BICC1: variants seen among roughly 807,000 people sequenced by gnomAD.
BICC1 encodes protein bicaudal C homolog 1.
In BICC1, 43 loss-of-function variants were observed where a neutral mutation model predicts 111.0. That is an observed-to-expected ratio of 0.39 (90% CI 0.30 to 0.50). The LOEUF is 0.50. Among genes scored for constraint, BICC1 ranks in the 20% least tolerant of loss-of-function variants. The pLI is 0.88. For missense variants in BICC1, 1,091 were observed against 1,203.2 expected, an observed-to-expected ratio of 0.91 and a Z score of 1.38; for synonymous variants, 467 against 434.4, an observed-to-expected ratio of 1.07 and a Z score of -0.93.
chr10:58,786,625 G>C (rs1473350691), intron 4 of BICC1, among the ~76,000 whole-genome samples: 1 of 152,170 alleles, frequency 6.6e-6, no homozygotes, highest in Non-Finnish European at 1.5e-5. Context: ...GACAAATTGA[G>C]TAATTTATTT....
chr10:58,663,199 T>C (rs1282385968), intron 2 of BICC1, among the ~76,000 whole-genome samples: 3 of 151,828 alleles, frequency 2.0e-5, no homozygotes, highest in Non-Finnish European at 4.4e-5. Flanking sequence ...CCTGAGTAGC[T>C]GGGACTTCAT....
intron 3 of BICC1, among the ~76,000 whole-genome samples, chr10:58,739,092 A>C (rs1352206445): frequency 1.3e-5 from 2 of 152,080 alleles, no homozygotes; most frequent in Non-Finnish European, 2.9e-5. Context: ...CTCTTGCCTA[A>C]TTGCCCTGGC....
chr10:58,638,689 G>A (rs985536545), intron 2 of BICC1, among the ~76,000 whole-genome samples: 1 of 152,106 alleles, frequency 6.6e-6, no homozygotes, highest in African/African-American at 2.4e-5. Context: ...GTACCAATAA[G>A]AGCCACCGCT....
chr10:58,814,499 G>A (rs1386559920), intron 18 of BICC1, among the ~76,000 whole-genome samples: 1 of 152,004 alleles, frequency 6.6e-6, no homozygotes, highest in African/African-American at 2.4e-5. Context: ...AAGTGGTTGA[G>A]GCCAGGCATG....
At chr10:58,750,272 G>T (rs886572026) in intron 3 of BICC1, among the ~76,000 whole-genome samples, 1 of 152,100 alleles carries the variant, frequency 6.6e-6, no homozygotes, top group Non-Finnish European at 1.5e-5. Context: ...CCAGTTGAAA[G>T]TTTTATACTC....
At chr10:58,806,685 G>A in intron 16 of BICC1, 62 bp downstream of exon 16, 1 of 1,380,146 alleles carries the variant, frequency 7.2e-7, no homozygotes, top group Non-Finnish European at 1.0e-6. Flanking sequence ...AATGTTTTTT[G>A]AGTACTCATG....
intron 1 of BICC1, among the ~76,000 whole-genome samples, chr10:58,619,479 T>TTTTTTTGTTTTGAATC (rs1491484033): frequency 5.8e-3 from 5 of 858 alleles, no homozygotes; most frequent in Non-Finnish European, 0.5. Context: ...GTTTTGAATC[T>TTTTTTTGTTTTGAATC]TTTTTTTTTT....
At chr10:58,668,671 T>A (rs567887021) in intron 2 of BICC1, among the ~76,000 whole-genome samples, 57 of 152,096 alleles carry the variant, frequency 3.7e-4, no homozygotes, top group Admixed American at 6.6e-4. Flanking sequence ...TTGATGATCG[T>A]TACTTCATTT....
At chr10:58,708,818 G>T (rs1840483061) in intron 3 of BICC1, among the ~76,000 whole-genome samples, 2 of 152,210 alleles carry the variant, frequency 1.3e-5, no homozygotes, top group Admixed American at 1.3e-4. Flanking sequence ...TAGTGGCACA[G>T]TTGCTGGCAT....
At chr10:58,777,103 T>G (rs1461516411) in intron 3 of BICC1, among the ~76,000 whole-genome samples, 1 of 151,580 alleles carries the variant, frequency 6.6e-6, no homozygotes, top group Non-Finnish European at 1.5e-5. Context: ...CATCTGTTGT[T>G]GATTATTTCA....
At chr10:58,596,199 G>T (rs535190687) in intron 1 of BICC1, among the ~76,000 whole-genome samples, 2 of 151,882 alleles carry the variant, frequency 1.3e-5, no homozygotes, top group Admixed American at 1.3e-4. Context: ...AATAAGTTCC[G>T]CTCAACTTGT....
intron 2 of BICC1, among the ~76,000 whole-genome samples, chr10:58,662,458 T>C (rs1433214726): frequency 2.0e-5 from 3 of 152,208 alleles, no homozygotes; most frequent in Non-Finnish European, 4.4e-5. Context: ...GCATTAGGAA[T>C]GTGAAACCAG....
At chr10:58,531,303 G>C (rs907312436) in intron 1 of BICC1, among the ~76,000 whole-genome samples, 1 of 151,772 alleles carries the variant, frequency 6.6e-6, no homozygotes, top group African/African-American at 2.4e-5. Flanking sequence ...GAGGGTGCAA[G>C]AGACTGTAGA....
At chr10:58,541,180 C>G (rs1296431427) in intron 1 of BICC1, among the ~76,000 whole-genome samples, 1 of 151,978 alleles carries the variant, frequency 6.6e-6, no homozygotes, top group Non-Finnish European at 1.5e-5. Context: ...TTCTATTCAA[C>G]ATTGTATTAA....
intron 1 of BICC1, among the ~76,000 whole-genome samples, chr10:58,596,931 A>G (rs981555501): frequency 2.0e-5 from 3 of 152,262 alleles, no homozygotes; most frequent in Non-Finnish European, 4.4e-5. Context: ...AAAACATTCC[A>G]TGCTCATGGA....
intron 19 of BICC1, among the ~76,000 whole-genome samples, 178 bp downstream of exon 19, chr10:58,817,900 A>G (rs1027596121): frequency 7.9e-5 from 12 of 152,220 alleles, no homozygotes; most frequent in Admixed American, 7.2e-4. Flanking sequence ...TGCAGCTAGT[A>G]AACACGGGAT....
intron 1 of BICC1, among the ~76,000 whole-genome samples, chr10:58,513,615 G>A (rs1406686448): frequency 2.6e-5 from 4 of 152,212 alleles, no homozygotes; most frequent in South Asian, 2.1e-4. Context: ...CCCAAGTTGC[G>A]TTCTGGACTT....
intron 1 of BICC1, among the ~76,000 whole-genome samples, chr10:58,585,125 A>G (rs1214071397): frequency 6.6e-6 from 1 of 152,206 alleles, no homozygotes; most frequent in Non-Finnish European, 1.5e-5. Flanking sequence ...CGGATCAATA[A>G]TTTATTTGTA....
intron 2 of BICC1, among the ~76,000 whole-genome samples, chr10:58,664,588 TATTA>T (rs757421118): frequency 7.9e-5 from 12 of 152,170 alleles, no homozygotes; most frequent in East Asian, 1.9e-4. Context: ...TAGATCCTTA[TATTA>T]ATTGTAGTTA....
Sources: allele counts gnomAD v4.1 joint callset (sites outside exome capture counted in the v4.1 genomes callset), GRCh38; gene constraint gnomAD v4.1.1; transcripts MANE v1.5; gene names NCBI Gene and HGNC (gene_info 2026-07-23, HGNC 2026-07-21).